Variants in PFKFB2 observed in about 807,000 individuals in gnomAD.
PFKFB2 encodes 6-phosphofructo-2-kinase/fructose-2,6-biphosphatase 2.
PFKFB2 carries 53 observed loss-of-function variants against 68.0 expected under a neutral mutation model. The observed-to-expected ratio is 0.78, with a 90% CI of 0.63 to 0.98. The LOEUF is 0.98. Ranked by LOEUF, PFKFB2 falls within the 50% of genes least tolerant of loss-of-function variation. PFKFB2 has a pLI of 0.00. For synonymous variants in PFKFB2, 222 were observed against 227.6 expected (o/e 0.98, Z 0.22); for missense variants, 451 against 642.0 (o/e 0.70, Z 3.22).
intron 1 of PFKFB2, among the ~76,000 whole-genome samples, chr1:207,037,309 C>A (rs1270944417): frequency 2.0e-5 from 3 of 152,176 alleles, no homozygotes; most frequent in African/African-American, 7.2e-5. Context: ...TCTCCTGAAC[C>A]CTCAGTTATC....
At chr1:207,079,095 G>A, downstream of PFKFB2, 1 of 1,265,880 alleles carries the variant, frequency 7.9e-7, no homozygotes, top group Middle Eastern at 1.9e-4. Context: ...GCTTCACAGA[G>A]GCTAGAACAG....
At position 207,067,547 on chromosome 1, in the gene PFKFB2, C is replaced by G; in HGVS notation, c.681C>G (p.Val227=). 1 of 1,613,966 alleles carries G rather than the reference C, an allele frequency of 6.2e-7. No individual in the cohort carries two copies. Residue 227 remains valine, a synonymous_variant, in exon 9 of 15, where the codon GTC becomes GTG. Transcript: ENST00000367080. ...TAAACGTGGGCCAGCGATTTTTAGT[C>G]AACAGAGTCCAGGACTACATCCAGA... is the stretch of plus-strand genomic sequence containing the variant. ...KVINVGQRFL[V]NRVQDYIQSK...
In PFKFB2 at chr1:207,074,219, A is replaced by T. The variant is rs566176810; in HGVS notation, c.*1848A>T. The T allele has an allele frequency of 1.0e-6, 1 of 985,296 alleles. No homozygotes were observed. Among genetic ancestry groups the T allele is most frequent in the African/African-American group, 1.7e-5 (1 of 57,246 alleles). 61.0% of individuals were successfully genotyped at this position (985,296 alleles called of 1,614,324 possible). On this transcript the variant is annotated 3_prime_UTR_variant, in exon 15 of 15. Transcript: ENST00000367080. Reference sequence around the variant, plus strand: ...AATACTGGATAGTAGTTTCTCAGACAAAAGTGTCAGCCTAGGAATTCTGAA... The same window carrying T: ...AATACTGGATAGTAGTTTCTCAGACTAAAGTGTCAGCCTAGGAATTCTGAA...
At chr1:207,060,128 A>G (rs998839109) in intron 2 of PFKFB2, among the ~76,000 whole-genome samples, 2 of 152,232 alleles carry the variant, frequency 1.3e-5, no homozygotes, top group South Asian at 2.1e-4. Flanking sequence ...CTCTGCAGCA[A>G]GATGGGCCGG....
Position 207,077,024 on chromosome 1 carries a change from A to G in PFKFB2, c.*4653A>G, listed in dbSNP as rs1222197457. 7.1e-6 allele frequency: 7 copies of G among 983,744 alleles called. No individual in the cohort carries two copies. The highest frequency in any genetic ancestry group is 7.2e-6 in the Non-Finnish European group (6 of 828,528). The allele number at this position is 983,744 out of a possible 1,614,324, so 60.9% of individuals were successfully genotyped here. A position where few individuals can be genotyped will look rare whatever the true frequency, so the allele number is the denominator to read the frequency against. On this transcript the variant is annotated 3_prime_UTR_variant, in exon 15 of 15. Transcript: ENST00000367080. ...GATATTTCTTATATAGTAGTGGCCA[A>G]ATTCTCATTATTTTGTACAAGATAA...
rs537677342 is a variant in PFKFB2 at position 207,042,935 on chromosome 1, A to C, written c.-18+723A>C. 1.5e-4 allele frequency among the ~76,000 whole-genome samples: 23 copies of C among 152,324 alleles called. No homozygotes were observed. In the South Asian group the frequency reaches 4.8e-3, roughly 32 times the overall value. ...TGAATTGCATGAGGCTAAGGACATA[A>C]AACTGGTATAAGCCATAAGAGATCT... On this transcript the variant is annotated intron_variant, in intron 2 of 5. Coordinates refer to the PFKFB2 transcript ENST00000545806.
At chr1:207,050,587 C>G (rs973543293), upstream of PFKFB2, 5 of 1,520,622 alleles carry the variant, frequency 3.3e-6, no homozygotes, top group East Asian at 4.6e-5. Flanking sequence ...AAAGCCCCCC[C>G]GCCGACTCAC....
Position 207,063,790 on chromosome 1 carries a change from C to G in PFKFB2, c.468C>G (p.Ser156=). 6.2e-7 allele frequency: 1 copy of G among 1,613,692 alleles called. No homozygotes were observed. Among genetic ancestry groups the G allele is most frequent in the Non-Finnish European group, 8.5e-7 (1 of 1,179,844 alleles). The part of the protein sequence containing the change: ...QNSFKVFFVE[S]VCDDPDVIAA... The stretch of plus-strand genomic sequence containing the variant: ...ATGGCCAGGTATTCTTTGTGGAATC[C>G]GTCTGTGATGATCCTGATGTCATTG... The change falls in exon 7 of 15, where the codon TCC becomes TCG. Residue 156 remains serine (S), a synonymous_variant. Transcript: ENST00000367080. This position sits in a 1 kb window ranked among gnomAD's most constrained non-coding sequence, Gnocchi z 4.1.
In PFKFB2 at chr1:207,074,580, C is replaced by T; in HGVS notation, c.*2209C>T. The T allele has an allele frequency of 6.1e-6, 6 of 985,420 alleles. No homozygotes were observed. Among genetic ancestry groups the T allele is most frequent in the Non-Finnish European group, 6.0e-6 (5 of 829,928 alleles). 61.0% of individuals were successfully genotyped at this position (985,420 alleles called of 1,614,324 possible). The stretch of plus-strand genomic sequence containing the variant: ...GGATACCATAGGCAGCTTCTAAAGG[C>T]TGCTTACCTAGATTCTTCTCAAAAT... On this transcript the variant is annotated 3_prime_UTR_variant, in exon 15 of 15. Coordinates refer to ENST00000367080, the MANE Select transcript of PFKFB2 (RefSeq NM_006212.2).
chr1:207,066,216 A>G (rs1299721403), intron 8 of PFKFB2, among the ~76,000 whole-genome samples: 1 of 152,220 alleles, frequency 6.6e-6, no homozygotes, highest in Non-Finnish European at 1.5e-5. Flanking sequence ...TGTGAGGTAT[A>G]TGAGCCATAA....
rs1033874035 is a variant in PFKFB2 at position 207,071,576 on chromosome 1, A to G, written c.1350+3A>G. The G allele has an allele frequency of 6.2e-7, 1 of 1,611,226 alleles. No individual in the cohort carries two copies. The highest frequency in any genetic ancestry group is 8.5e-7 in the Non-Finnish European group (1 of 1,177,524). ...ACACGCACCGTGACAAGCCAACTGTAAGTATTTTCCCACGATGAACACACC... is the reference window on the plus strand; with the variant it reads ...ACACGCACCGTGACAAGCCAACTGTGAGTATTTTCCCACGATGAACACACC... On this transcript the variant is annotated splice_donor_region_variant and intron_variant, in intron 14 of 14. Coordinates refer to ENST00000367080, the MANE Select transcript of PFKFB2 (RefSeq NM_006212.2).
At chr1:207,045,500 T>C (rs1477599595) in intron 2 of PFKFB2, 4 of 152,540 alleles carry the variant, frequency 2.6e-5, no homozygotes, top group African/African-American at 4.8e-5. Context: ...TGTAAACTTT[T>C]ATTCCATATA....
In PFKFB2 at chr1:207,070,427, G is replaced by T. The variant is rs1343210242; in HGVS notation, c.1222+18G>T. 6.2e-7 allele frequency: 1 copy of T among 1,612,104 alleles called. No homozygotes were observed. Among genetic ancestry groups the T allele is most frequent in the Admixed American group, 1.7e-5 (1 of 59,906 alleles). On this transcript the variant is annotated intron_variant, in intron 12 of 14. Coordinates refer to ENST00000367080, the MANE Select transcript of PFKFB2 (RefSeq NM_006212.2). The surrounding 1 kb of genome is among the most constrained non-coding windows in gnomAD (Gnocchi z 4.2). Reference sequence around the variant, plus strand: ...GGGCGCAGGTGCCTTTGAGGGAGGGGCTGGGAGACACATCCAGTGGGAGAG... The same window carrying T: ...GGGCGCAGGTGCCTTTGAGGGAGGGTCTGGGAGACACATCCAGTGGGAGAG...
In PFKFB2 at chr1:207,068,275, A is replaced by T. The variant is rs955937201; in HGVS notation, c.953A>T (p.Tyr318Phe). ...IQTAESLGVP[Y>F]EQWKILNEID... Reference sequence around the variant, plus strand: ...ACTGCTGAATCTCTCGGGGTGCCCTATGAGCAGTGGAAGATTCTGAATGAG... The same window carrying T: ...ACTGCTGAATCTCTCGGGGTGCCCTTTGAGCAGTGGAAGATTCTGAATGAG... The change falls in exon 10 of 15, where the codon TAT (tyrosine) becomes TTT (phenylalanine). Residue 318 changes from tyrosine (Y) to phenylalanine (F), a missense_variant. By Grantham distance (22) the Tyr-to-Phe change is conservative (BLOSUM62 3). Transcript: ENST00000367080. 2 of 1,606,578 alleles carry T rather than the reference A, an allele frequency of 1.2e-6. No individual in the cohort carries two copies. Among genetic ancestry groups the T allele is most frequent in the Non-Finnish European group, 8.5e-7 (1 of 1,176,652 alleles).
intron 1 of PFKFB2, among the ~76,000 whole-genome samples, chr1:207,053,904 A>ATTTTTTT (rs574695365): frequency 5.1e-5 from 5 of 97,894 alleles, no homozygotes; most frequent in East Asian, 2.5e-4. Flanking sequence ...TTCATTTTTC[A>ATTTTTTT]TTTTTTTTTT....
chr1:207,069,559 C>T lies in PFKFB2; in HGVS notation c.1092+31C>T, dbSNP rs1453808709. 3 of 1,354,996 alleles carry T rather than the reference C, an allele frequency of 2.2e-6. No homozygotes were observed. The East Asian group carries it at 6.9e-5, about 31-fold the overall frequency. 83.9% of individuals were successfully genotyped at this position (1,354,996 alleles called of 1,614,324 possible). On this transcript the variant is annotated intron_variant, in intron 11 of 14. Coordinates refer to ENST00000367080, the MANE Select transcript of PFKFB2 (RefSeq NM_006212.2). ...ACGCCCCTGTCATGTAAAGTGACTG[C>T]CTAGACCCTTGCTGAGTGTTTAACT...
chr1:207,079,228 G>T, downstream of PFKFB2: 1 of 591,954 alleles, frequency 1.7e-6, no homozygotes, highest in Non-Finnish European at 3.0e-6. Flanking sequence ...ACTTCCCTGT[G>T]CCTCAAAACA....
At chr1:207,049,524 C>G (rs756427873), upstream of PFKFB2, 17 of 1,614,162 alleles carry the variant, frequency 1.1e-5, no homozygotes, top group South Asian at 1.6e-4. Flanking sequence ...GGCGTCTCAT[C>G]TCAGGGGCAC....
Position 207,071,551 on chromosome 1 carries a change from A to G in PFKFB2, c.1328A>G (p.Asn443Ser). ...ATTAAACTTAACGTGGAGGCTGTGA[A>G]CACGCACCGTGACAAGCCAACTGTA... ...ETIKLNVEAV[N>S]THRDKPTNNF... The change falls in exon 14 of 15, where the codon AAC becomes AGC. Residue 443 changes from asparagine to serine, a missense_variant. By Grantham distance (46) the Asn-to-Ser change is conservative (BLOSUM62 1). Transcript: ENST00000367080. 1 of 1,613,832 alleles carries G rather than the reference A, an allele frequency of 6.2e-7. No individual in the cohort carries two copies. Among genetic ancestry groups the G allele is most frequent in the Non-Finnish European group, 8.5e-7 (1 of 1,179,724 alleles).
Sources: gnomAD v4.1 joint callset for allele counts (sites outside exome capture counted in the v4.1 genomes callset) on GRCh38, gnomAD v4.1.1 for gene constraint, Gnocchi (gnomAD v3.1) non-coding constraint, MANE v1.5 for transcripts, NCBI Gene and HGNC (gene_info 2026-07-23, HGNC 2026-07-21) for gene names.